The following SPON1 variants were observed in gnomAD, a reference collection of about 807,000 sequenced individuals.
SPON1 encodes the protein spondin 1.
SPON1 carries 52 observed loss-of-function variants against 111.7 expected under a neutral mutation model. The observed-to-expected ratio is 0.47, with a 90% CI of 0.37 to 0.59. SPON1 has a LOEUF of 0.59. Ranked by LOEUF, SPON1 falls within the 20% of genes least tolerant of loss-of-function variation. The pLI, the probability that SPON1 is intolerant of heterozygous loss-of-function variation, is 0.00. For missense variants in SPON1, 957 were observed against 1,068.5 expected (o/e 0.90, Z 1.46); for synonymous variants, 410 against 395.8 (o/e 1.04, Z -0.43).
At chr11:14,200,322 C>T (rs369317581) in intron 6 of SPON1, among the ~76,000 whole-genome samples, 9 of 152,042 alleles carry the variant, frequency 5.9e-5, no homozygotes, top group African/African-American at 9.7e-5. Flanking sequence ...CCTAGGAATC[C>T]GCTAACATTT....
chr11:14,113,303 C>T (rs1047270019), intron 5 of SPON1, among the ~76,000 whole-genome samples: 10 of 152,196 alleles, frequency 6.6e-5, no homozygotes, highest in Admixed American at 6.5e-4. Flanking sequence ...GACAAACCAG[C>T]CACCAGCTAC....
intron 6 of SPON1, among the ~76,000 whole-genome samples, chr11:14,182,860 G>A (rs757164773): frequency 6.6e-6 from 1 of 152,194 alleles, no homozygotes; most frequent in South Asian, 2.1e-4. Context: ...AGTGGACAAT[G>A]AGACTGTGTC....
intron 6 of SPON1, among the ~76,000 whole-genome samples, chr11:14,206,898 G>T (rs1043012201): frequency 6.6e-6 from 1 of 151,882 alleles, no homozygotes; most frequent in African/African-American, 2.4e-5. Flanking sequence ...TAAAATTCAT[G>T]TGAAACCAAA....
At chr11:14,176,817 C>T (rs182959026) in intron 6 of SPON1, among the ~76,000 whole-genome samples, 97 of 152,258 alleles carry the variant, frequency 6.4e-4, no homozygotes, top group African/African-American at 2.1e-3. Context: ...TGCCACCGAA[C>T]CACAGGCATG....
At chr11:14,236,056 A>C (rs1006812959) in intron 6 of SPON1, among the ~76,000 whole-genome samples, 3 of 152,166 alleles carry the variant, frequency 2.0e-5, no homozygotes, top group Non-Finnish European at 2.9e-5. Flanking sequence ...GGGGGACCAG[A>C]GCAAGGTCCT....
At chr11:14,011,482 A>G (rs181252941) in intron 2 of SPON1, among the ~76,000 whole-genome samples, 1 of 152,070 alleles carries the variant, frequency 6.6e-6, no homozygotes, top group East Asian at 1.9e-4. Context: ...GACTCCCCCT[A>G]TAGTTTAGGG....
At chr11:14,141,825 A>C (rs1458364717) in intron 6 of SPON1, among the ~76,000 whole-genome samples, 1 of 152,060 alleles carries the variant, frequency 6.6e-6, no homozygotes, top group African/African-American at 2.4e-5. Context: ...CCATGGCCTG[A>C]CTTCAAGTGT....
Position 14,260,591 on chromosome 11 carries a change from C to T in SPON1, c.1835C>T (p.Thr612Ile). The change falls in exon 14 of 16, where the codon ACC becomes ATC. Residue 612 changes from threonine (T) to isoleucine (I), a missense_variant. Physicochemically the swap from Thr to Ile is moderately conservative, Grantham distance 89 (BLOSUM62 -1). Coordinates refer to ENST00000576479, the MANE Select transcript of SPON1 (RefSeq NM_006108.4). The stretch of plus-strand genomic sequence containing the variant: ...GCAAACCTGGTTCTTGATCTAGACA[C>T]CATCCCATGCTTGCTGTCCCCATGG... Reference protein sequence around the residue: ...AEKCMMPECHTIPCLLSPWSE... With the variant: ...AEKCMMPECHIIPCLLSPWSE... 1.2e-6 allele frequency: 2 copies of T among 1,613,184 alleles called. No homozygotes were observed. Among genetic ancestry groups the T allele is most frequent in the East Asian group, 2.2e-5 (1 of 44,874 alleles).
At chr11:14,265,244 A>G (rs1394033368) in intron 15 of SPON1, among the ~76,000 whole-genome samples, 1 of 152,144 alleles carries the variant, frequency 6.6e-6, no homozygotes, top group African/African-American at 2.4e-5. Context: ...GTTTTTGCTC[A>G]TGTCCCATTG....
chr11:14,047,190 T>A (rs2618518), intron 3 of SPON1, among the ~76,000 whole-genome samples: 14,012 of 152,246 alleles, frequency 0.092, 2,105 homozygotes, highest in African/African-American at 0.32. Flanking sequence ...TACTTTATTA[T>A]CTAGCACCTC....
chr11:14,252,799 G>A (rs1378864312), intron 7 of SPON1, among the ~76,000 whole-genome samples: 2 of 152,268 alleles, frequency 1.3e-5, no homozygotes, highest in African/African-American at 4.8e-5. Flanking sequence ...TGAAAGATGA[G>A]TGGGCCCAGC....
intron 6 of SPON1, among the ~76,000 whole-genome samples, chr11:14,154,621 G>A (rs1424096154): frequency 3.3e-5 from 5 of 152,186 alleles, no homozygotes; most frequent in Non-Finnish European, 7.4e-5. Context: ...TGCCTTACAG[G>A]CATTTTTCCC....
At chr11:14,235,972 G>A (rs150730452) in intron 6 of SPON1, among the ~76,000 whole-genome samples, 135 of 152,270 alleles carry the variant, frequency 8.9e-4, no homozygotes, top group African/African-American at 3.2e-3. Flanking sequence ...AAGAAGTCCA[G>A]GATGCCGAAA....
intron 5 of SPON1, among the ~76,000 whole-genome samples, chr11:14,099,047 A>G (rs1395844756): frequency 6.6e-6 from 1 of 152,230 alleles, no homozygotes; most frequent in Non-Finnish European, 1.5e-5. Context: ...TAAAAGAATT[A>G]TCCACACACA....
chr11:14,123,953 T>C (rs1486761182), intron 5 of SPON1, among the ~76,000 whole-genome samples: 1 of 152,244 alleles, frequency 6.6e-6, no homozygotes, highest in African/African-American at 2.4e-5. Flanking sequence ...CACTTATAGT[T>C]ATTTATGTCC....
At chr11:13,989,619 T>C (rs782746881) in intron 2 of SPON1, among the ~76,000 whole-genome samples, 3 of 152,214 alleles carry the variant, frequency 2.0e-5, no homozygotes, top group Admixed American at 6.5e-5. Flanking sequence ...GCTTCTCTAG[T>C]TCTTTTCATT....
intron 5 of SPON1, among the ~76,000 whole-genome samples, chr11:14,086,311 A>G (rs1392139747): frequency 2.0e-5 from 3 of 152,154 alleles, no homozygotes; most frequent in African/African-American, 7.2e-5. Flanking sequence ...TTATTTTGAG[A>G]TATGTTCTAT....
intron 5 of SPON1, among the ~76,000 whole-genome samples, chr11:14,121,849 T>C (rs782627699): frequency 6.6e-5 from 10 of 152,156 alleles, no homozygotes; most frequent in Non-Finnish European, 1.0e-4. Flanking sequence ...ACCCTCATTT[T>C]TGAAGGATAT....
intron 5 of SPON1, among the ~76,000 whole-genome samples, chr11:14,122,557 T>C (rs1487073825): frequency 2.0e-5 from 3 of 152,232 alleles, no homozygotes; most frequent in South Asian, 2.1e-4. Context: ...CCACTTGTTT[T>C]TATTCCACAG....
Sources: allele counts gnomAD v4.1 joint callset (sites outside exome capture counted in the v4.1 genomes callset), GRCh38; gene constraint gnomAD v4.1.1; transcripts MANE v1.5; gene names NCBI Gene and HGNC (gene_info 2026-07-23, HGNC 2026-07-21).